SLC36A1: variants seen among roughly 807,000 people sequenced by gnomAD.
SLC36A1 encodes proton-coupled amino acid transporter 1.
In SLC36A1, 30 loss-of-function variants were observed where a neutral mutation model predicts 47.5. That is an observed-to-expected ratio of 0.63 (90% CI 0.47 to 0.86). SLC36A1 has a LOEUF of 0.86. Among genes scored for constraint, SLC36A1 ranks in the 40% least tolerant of loss-of-function variants. The pLI is 0.00. For synonymous variants in SLC36A1, 255 were observed against 249.7 expected (o/e 1.02, Z -0.20); for missense variants, 517 against 606.0 (o/e 0.85, Z 1.54).
chr5:151,529,342 A>G, the SLC36A1 span: 1 of 1,614,112 alleles, frequency 6.2e-7, no homozygotes, highest in Non-Finnish European at 8.5e-7. Flanking sequence ...ATGGACAGGA[A>G]GTACTTGGGG....
the SLC36A1 span, among the ~76,000 whole-genome samples, chr5:151,516,662 A>G: frequency 6.6e-6 from 1 of 152,180 alleles, no homozygotes; most frequent in South Asian, 2.1e-4. Flanking sequence ...TCTCTCCCCC[A>G]TAGAACAAAA....
At chr5:151,403,317 C>T in the SLC36A1 span, among the ~76,000 whole-genome samples, 1 of 152,096 alleles carries the variant, frequency 6.6e-6, no homozygotes, top group East Asian at 1.9e-4. Context: ...CAATTGTCAT[C>T]CCCCCAGTGT....
the SLC36A1 span, among the ~76,000 whole-genome samples, chr5:151,503,873 G>C: frequency 6.6e-6 from 1 of 152,138 alleles, no homozygotes; most frequent in South Asian, 2.1e-4. Flanking sequence ...GCAGACAGTT[G>C]TATCAGAGGC....
intron 1 of SLC36A1, among the ~76,000 whole-genome samples, chr5:151,450,710 C>T (rs996014095): frequency 1.2e-4 from 18 of 152,236 alleles, no homozygotes; most frequent in African/African-American, 4.3e-4. Flanking sequence ...TTTATCACCA[C>T]CACCTCCCCT....
At chr5:151,398,525 G>A in the SLC36A1 span, among the ~76,000 whole-genome samples, 1 of 152,204 alleles carries the variant, frequency 6.6e-6, no homozygotes, top group Admixed American at 6.5e-5. Flanking sequence ...CAGAACTGAA[G>A]AAACCTGTTT....
At chr5:151,552,308 T>G in the SLC36A1 span, among the ~76,000 whole-genome samples, 3 of 152,064 alleles carry the variant, frequency 2.0e-5, no homozygotes, top group Non-Finnish European at 4.4e-5. Flanking sequence ...TGAAATGTTT[T>G]AGAGGGTACA....
At chr5:151,518,385 G>C in the SLC36A1 span, among the ~76,000 whole-genome samples, 1 of 68,176 alleles carries the variant, frequency 1.5e-5, no homozygotes, top group Non-Finnish European at 3.0e-5. Context: ...ATTTTTAAAA[G>C]AAAGTAAAAA....
chr5:151,395,047 G>A, the SLC36A1 span, among the ~76,000 whole-genome samples: 21 of 152,294 alleles, frequency 1.4e-4, no homozygotes, highest in East Asian at 4.1e-3. Flanking sequence ...GCTGCGGTGG[G>A]CTCCACACCA....
At chr5:151,554,384 G>A in the SLC36A1 span, 15 of 1,614,132 alleles carry the variant, frequency 9.3e-6, no homozygotes, top group African/African-American at 1.7e-4. Flanking sequence ...GTACTCTCCA[G>A]CTGTAAAAGT....
chr5:151,426,777 GCTGT>G, the SLC36A1 span, among the ~76,000 whole-genome samples: 1 of 152,304 alleles, frequency 6.6e-6, no homozygotes, highest in East Asian at 1.9e-4. Context: ...CATATCTCAG[GCTGT>G]CTCAGTGGGG....
chr5:151,458,326 A>ATATACATACACTTG (rs1754953780), intron 1 of SLC36A1, among the ~76,000 whole-genome samples: 2 of 103,988 alleles, frequency 1.9e-5, no homozygotes, highest in African/African-American at 6.6e-5. Flanking sequence ...ATATATATAT[A>ATATACATACACTTG]TATATATGGG....
chr5:151,449,427 A>G (rs1429650321), intron 1 of SLC36A1, among the ~76,000 whole-genome samples: 2 of 152,230 alleles, frequency 1.3e-5, no homozygotes, highest in Non-Finnish European at 2.9e-5. Flanking sequence ...GGCTACGTGC[A>G]GCAGAGGCTG....
chr5:151,430,330 A>ATTTTTTT, the SLC36A1 span, among the ~76,000 whole-genome samples: 2 of 71,534 alleles, frequency 2.8e-5, no homozygotes, highest in Admixed American at 1.1e-4. Context: ...ACACCTGGCT[A>ATTTTTTT]ATTTTTTTTT....
upstream of SLC36A1, among the ~76,000 whole-genome samples, chr5:151,433,223 TATATATATATATATATATATATATATA>T (rs1759478511): frequency 6.4e-4 from 2 of 3,118 alleles, no homozygotes; most frequent in Non-Finnish European, 8.0e-4. Context: ...CTGAATAACA[TATATATATATATATATATATATATATA>T]TATATATATA....
At chr5:151,412,020 G>T in the SLC36A1 span, among the ~76,000 whole-genome samples, 1 of 144,918 alleles carries the variant, frequency 6.9e-6, no homozygotes, top group African/African-American at 2.5e-5. Context: ...GTTAGTCTAT[G>T]AATGCTTAAA....
At chr5:151,507,287 G>A in the SLC36A1 span, 19 of 1,614,158 alleles carry the variant, frequency 1.2e-5, no homozygotes, top group East Asian at 4.5e-5. Context: ...CAAATGTGAC[G>A]AGTTCATTTG....
the SLC36A1 span, chr5:151,512,109 A>G: frequency 1.3e-6 from 2 of 1,535,280 alleles, no homozygotes; most frequent in Non-Finnish European, 1.8e-6. This position sits in a 1 kb window ranked among gnomAD's most constrained non-coding sequence, Gnocchi z 4.1. Flanking sequence ...TGCTTTTCCC[A>G]CCTGAAGAGC....
chr5:151,485,145 C>CTATT lies in SLC36A1; in HGVS notation c.1160-2835_1160-2832dup, dbSNP rs540332001. 2.6e-5 allele frequency among the ~76,000 whole-genome samples: 4 copies of CTATT among 152,336 alleles called. No homozygotes were observed. In the South Asian group the frequency reaches 8.3e-4, roughly 32 times the overall value. On this transcript the variant is annotated intron_variant, in intron 10 of 10. Transcript: ENST00000243389. ...CAAGGTTTGGGGGATGTCACCAACT[C>CTATT]TATTTAGAAGCAGCTAAGGGCTGAA...
the SLC36A1 span, among the ~76,000 whole-genome samples, chr5:151,553,811 A>G: frequency 5.0e-3 from 759 of 152,336 alleles, 7 homozygotes; most frequent in African/African-American, 0.018. Flanking sequence ...AATCCTCACA[A>G]TAACCTTGGA....
Sources: allele counts gnomAD v4.1 joint callset (sites outside exome capture counted in the v4.1 genomes callset), GRCh38; gene constraint gnomAD v4.1.1; non-coding constraint Gnocchi (gnomAD v3.1); transcripts MANE v1.5; gene names NCBI Gene and HGNC (gene_info 2026-07-23, HGNC 2026-07-21).